The following NELL1 variants were observed in gnomAD, a reference collection of about 807,000 sequenced individuals.
The protein encoded by NELL1 is neural EGFL like 1, also known as protein kinase C-binding protein NELL1.
NELL1 carries 76 observed loss-of-function variants against 107.4 expected under a neutral mutation model. The observed-to-expected ratio is 0.71, with a 90% CI of 0.59 to 0.86. The LOEUF is 0.86. NELL1 is among the 40% of genes least tolerant of loss of function. The pLI is 0.00. For missense variants in NELL1, 1,024 were observed against 1,005.5 expected (o/e 1.02, Z -0.25); for synonymous variants, 353 against 341.2 (o/e 1.03, Z -0.38).
At chr11:20,929,752 A>G (rs1468712569) in intron 9 of NELL1, among the ~76,000 whole-genome samples, 1 of 152,088 alleles carries the variant, frequency 6.6e-6, no homozygotes, top group Non-Finnish European at 1.5e-5. Context: ...CCGTCGGATC[A>G]CCTGAGGTCA....
intron 3 of NELL1, among the ~76,000 whole-genome samples, chr11:20,833,854 A>C (rs1391191436): frequency 6.6e-6 from 1 of 152,130 alleles, no homozygotes; most frequent in Non-Finnish European, 1.5e-5. Flanking sequence ...GAAGACTTGA[A>C]AGAACGTTGG....
intron 2 of NELL1, among the ~76,000 whole-genome samples, chr11:20,704,665 G>A (rs1193146192): frequency 1.3e-5 from 2 of 152,122 alleles, no homozygotes; most frequent in Non-Finnish European, 2.9e-5. Context: ...TCCATGTTCA[G>A]TGCTTCCTTC....
intron 2 of NELL1, among the ~76,000 whole-genome samples, chr11:20,759,021 TAGAG>T (rs1856359998): frequency 6.6e-6 from 1 of 152,236 alleles, no homozygotes; most frequent in Non-Finnish European, 1.5e-5. Flanking sequence ...ATCTGTGAGA[TAGAG>T]AATTTTATCC....
rs114135411 is a variant in NELL1 at position 20,735,664 on chromosome 11, G to A, written c.185-48016G>A. On this transcript the variant is annotated intron_variant, in intron 2 of 19. Coordinates refer to ENST00000357134, the MANE Select transcript of NELL1 (RefSeq NM_006157.5). The stretch of plus-strand genomic sequence containing the variant: ...CAGCCTTGACTGGAACAGTTTCAAT[G>A]GAGTGGCCAGCATGAAACCTTGTTT... 7.7e-3 allele frequency among the ~76,000 whole-genome samples: 1,170 copies of A among 152,290 alleles called. 14 individuals are homozygous for A. Among genetic ancestry groups the A allele is most frequent in the African/African-American group, 0.027 (1,115 of 41,556 alleles).
intron 2 of NELL1, among the ~76,000 whole-genome samples, chr11:20,782,114 T>A (rs1311177043): frequency 6.6e-6 from 1 of 151,960 alleles, no homozygotes; most frequent in Non-Finnish European, 1.5e-5. Flanking sequence ...GTTTACAGAG[T>A]GATTTGCTCA....
At chr11:21,457,214 A>G (rs1853768921) in intron 15 of NELL1, among the ~76,000 whole-genome samples, 1 of 152,154 alleles carries the variant, frequency 6.6e-6, no homozygotes, top group Non-Finnish European at 1.5e-5. Context: ...TAAAAATTTA[A>G]TAGTTCTTGG....
At chr11:21,224,774 A>G (rs1371520263) in intron 13 of NELL1, among the ~76,000 whole-genome samples, 2 of 152,142 alleles carry the variant, frequency 1.3e-5, no homozygotes, top group African/African-American at 4.8e-5. Context: ...CATTCATTGA[A>G]TTGTTCTCTT....
At chr11:21,523,526 G>T (rs1199059215) in intron 15 of NELL1, among the ~76,000 whole-genome samples, 1 of 152,028 alleles carries the variant, frequency 6.6e-6, no homozygotes, top group African/African-American at 2.4e-5. Context: ...ACATTTTGGT[G>T]GTCTTTCTTC....
intron 14 of NELL1, among the ~76,000 whole-genome samples, chr11:21,261,633 A>G (rs958749930): frequency 1.3e-5 from 2 of 151,862 alleles, no homozygotes; most frequent in South Asian, 2.1e-4. Flanking sequence ...TCAAGTAGCT[A>G]TTAATGAAAG....
rs564319200 is a variant in NELL1, at chr11:20,723,800, G to A, written c.184+45740G>A. On this transcript the variant is annotated intron_variant, in intron 2 of 19. Coordinates refer to ENST00000357134, the MANE Select transcript of NELL1 (RefSeq NM_006157.5). Reference sequence around the variant, plus strand: ...AGCAGAGGTTTTCCGTGAGGGCTCTGCCCCTGCAGTAGAATTCTACCTGTA... The same window carrying A: ...AGCAGAGGTTTTCCGTGAGGGCTCTACCCCTGCAGTAGAATTCTACCTGTA... Among the ~76,000 whole-genome samples the A allele has an allele frequency of 3.9e-5, 6 of 152,296 alleles. No individual in the cohort carries two copies. In the East Asian group the frequency reaches 1.2e-3, roughly 29 times the overall value.
chr11:21,457,795 G>A (rs75093472), intron 15 of NELL1, among the ~76,000 whole-genome samples: 37 of 152,250 alleles, frequency 2.4e-4, no homozygotes, highest in African/African-American at 8.4e-4. Context: ...ATACTAAGTA[G>A]CCTTGGGGAA....
In NELL1 at chr11:21,418,814, C is replaced by T. The variant is rs938359141; in HGVS notation, c.1645+47866C>T. Among the ~76,000 whole-genome samples the T allele has an allele frequency of 7.2e-5, 11 of 152,048 alleles. No individual in the cohort carries two copies. The East Asian group carries it at 1.7e-3, about 24-fold the overall frequency. On this transcript the variant is annotated intron_variant, in intron 15 of 19. Coordinates refer to ENST00000357134, the MANE Select transcript of NELL1 (RefSeq NM_006157.5). ...TTAAAAATCTGTGCCTTGAAGATAG[C>T]GTGTCCAAAATACAGACCATTCCTT...
intron 15 of NELL1, among the ~76,000 whole-genome samples, chr11:21,490,469 A>G (rs1854773888): frequency 6.6e-6 from 1 of 151,080 alleles, no homozygotes; most frequent in Non-Finnish European, 1.5e-5. Context: ...AAAAAAAAAA[A>G]AAAAAAAAGC....
intron 3 of NELL1, among the ~76,000 whole-genome samples, chr11:20,842,519 T>C (rs778436756): frequency 6.6e-6 from 1 of 152,176 alleles, no homozygotes; most frequent in Non-Finnish European, 1.5e-5. Context: ...ATGAGAACCA[T>C]GAATGGAGGC....
chr11:21,077,096 A>C (rs1854154450), intron 12 of NELL1, among the ~76,000 whole-genome samples: 2 of 152,170 alleles, frequency 1.3e-5, no homozygotes, highest in Non-Finnish European at 2.9e-5. Context: ...AAATAATAGC[A>C]TGCAAGGGAA....
chr11:21,470,091 T>C (rs1854136032), intron 15 of NELL1, among the ~76,000 whole-genome samples: 1 of 152,104 alleles, frequency 6.6e-6, no homozygotes, highest in South Asian at 2.1e-4. Context: ...TAGTTTTCTT[T>C]ATGAACTCAT....
chr11:21,252,047 A>G (rs1050294437), intron 14 of NELL1, among the ~76,000 whole-genome samples: 1 of 152,184 alleles, frequency 6.6e-6, no homozygotes, highest in African/African-American at 2.4e-5. Flanking sequence ...ACTGTGTCAC[A>G]TGTTTACACA....
intron 15 of NELL1, among the ~76,000 whole-genome samples, chr11:21,502,443 T>C (rs1266747023): frequency 6.6e-6 from 1 of 152,204 alleles, no homozygotes; most frequent in African/African-American, 2.4e-5. Flanking sequence ...TCCTGATTGT[T>C]AGGAACTTTC....
intron 14 of NELL1, among the ~76,000 whole-genome samples, chr11:21,268,308 A>T (rs1848674260): frequency 6.6e-6 from 1 of 152,144 alleles, no homozygotes; most frequent in Admixed American, 6.6e-5. Flanking sequence ...AGCTTCTAAG[A>T]ATGAAAAATT....
Sources: allele counts gnomAD v4.1 joint callset (sites outside exome capture counted in the v4.1 genomes callset), GRCh38; gene constraint gnomAD v4.1.1; transcripts MANE v1.5; gene names NCBI Gene and HGNC (gene_info 2026-07-23, HGNC 2026-07-21).